The following ATAD2B variants were observed in gnomAD, a reference collection of about 807,000 sequenced individuals.
ATAD2B encodes ATPase family AAA domain containing 2B.
A neutral mutation model predicts 167.6 loss-of-function variants in ATAD2B; 40 were observed. The observed-to-expected ratio is 0.24, with a 90% CI of 0.19 to 0.31. ATAD2B has a LOEUF of 0.31. Ranked by LOEUF, ATAD2B falls within the 10% of genes least tolerant of loss-of-function variation. The probability of loss-of-function intolerance (pLI) is 1.00; values close to 1 mark genes in which losing one functional copy is unlikely to be tolerated. For synonymous variants in ATAD2B, 579 were observed against 596.5 expected, an observed-to-expected ratio of 0.97 and a Z score of 0.43; for missense variants, 1,242 against 1,757.2, an observed-to-expected ratio of 0.71 and a Z score of 5.24.
chr2:23,863,652 T>C lies in ATAD2B; in HGVS notation c.1305-97A>G. On this transcript the variant is annotated intron_variant, in intron 11 of 27. Transcript: ENST00000238789. ...TCCCCCCCTTCCATATAATTTTGTATTGAAGTATAATTATTAGACATTGAT... is the reference window on the plus strand; with the variant it reads ...TCCCCCCCTTCCATATAATTTTGTACTGAAGTATAATTATTAGACATTGAT... The C allele has an allele frequency of 3.5e-6, 4 of 1,154,184 alleles. No individual in the cohort carries two copies. The South Asian group carries it at 5.1e-5, about 15-fold the overall frequency. The allele number at this position is 1,154,184 out of a possible 1,614,324, so 71.5% of individuals were successfully genotyped here.
At chr2:23,779,700 T>C (rs1275302102) in intron 22 of ATAD2B, among the ~76,000 whole-genome samples, 1 of 151,656 alleles carries the variant, frequency 6.6e-6, no homozygotes, top group African/African-American at 2.4e-5. Flanking sequence ...GGGTATTAGC[T>C]GTTATATGAG....
chr2:23,813,309 A>T (rs2339922), intron 17 of ATAD2B, among the ~76,000 whole-genome samples: 1 of 148,416 alleles, frequency 6.7e-6, no homozygotes, highest in Non-Finnish European at 1.5e-5. Context: ...CATATAAATT[A>T]TGTTGTTATT....
chr2:23,873,620 A>G (rs1558702522), intron 8 of ATAD2B, among the ~76,000 whole-genome samples: 1 of 152,184 alleles, frequency 6.6e-6, no homozygotes, highest in Non-Finnish European at 1.5e-5. Context: ...ATCAAGCTGT[A>G]TTTTTTGTTG....
At chr2:23,696,526 C>T in the ATAD2B span, 64 of 1,509,114 alleles carry the variant, frequency 4.2e-5, no homozygotes, top group Non-Finnish European at 5.1e-5. The surrounding 1 kb of genome is among the most constrained non-coding windows in gnomAD (Gnocchi z 5.5). Flanking sequence ...AATGAGGCCA[C>T]GGTCAGGACA....
chr2:23,888,132 C>G (rs1304774881), intron 3 of ATAD2B, 147 bp from the exon 4 acceptor site: 1 of 751,786 alleles, frequency 1.3e-6, no homozygotes, highest in Admixed American at 3.8e-5. Flanking sequence ...TCTAAAATTT[C>G]TATAAATTTT....
At chr2:23,808,901 T>C (rs770636335) in intron 18 of ATAD2B, 1 of 152,194 alleles carries the variant, frequency 6.6e-6, no homozygotes, top group Non-Finnish European at 1.5e-5. Context: ...ATTTTGCCAA[T>C]TTCACAGCTT....
Position 23,823,516 on chromosome 2 carries a change from G to A in ATAD2B, c.1873C>T (p.Leu625=), listed in dbSNP as rs1344730647. Residue 625 remains leucine, a synonymous_variant, in exon 16 of 28, where the codon CTG becomes TTG. Coordinates refer to ENST00000238789, the MANE Select transcript of ATAD2B (RefSeq NM_017552.4). ...TAGATCTGGGGATAACGCCTCCGCA[G>A]TGCAATCAGGGCGGCTTCAGTGCAC... The part of the protein sequence containing the change: ...ALCTEAALIA[L]RRRYPQIYAS... 3.7e-6 allele frequency: 6 copies of A among 1,613,588 alleles called. No individual in the cohort carries two copies. The highest frequency in any genetic ancestry group is 5.1e-6 in the Non-Finnish European group (6 of 1,179,896).
chr2:23,693,466 G>T, the ATAD2B span: 1 of 1,551,746 alleles, frequency 6.4e-7, no homozygotes, highest in Non-Finnish European at 8.7e-7. Context: ...CACCAAGGCT[G>T]AGGAGCTGGT....
In ATAD2B at chr2:23,888,335, TA is replaced by T; in HGVS notation, c.418+14del. On this transcript the variant is annotated intron_variant, in intron 3 of 27. Transcript: ENST00000238789. The stretch of plus-strand genomic sequence containing the variant: ...AGAATTTTAAAACTAACCAGTTTTA[TA>T]ATAGAATACTCACATAAGCCACTAT... 6.4e-7 allele frequency: 1 copy of T among 1,556,026 alleles called. No homozygotes were observed. Among genetic ancestry groups the T allele is most frequent in the South Asian group, 1.2e-5 (1 of 84,152 alleles).
At chr2:23,879,444 CA>C (rs945348655) in intron 7 of ATAD2B, among the ~76,000 whole-genome samples, 44 of 151,690 alleles carry the variant, frequency 2.9e-4, no homozygotes, top group Non-Finnish European at 6.2e-4. Context: ...CCTGTTTCTA[CA>C]AAAAAAATTA....
rs1280833017 is a variant in ATAD2B, at chr2:23,926,889, G to A, written c.-119C>T. 1.7e-6 allele frequency: 2 copies of A among 1,211,910 alleles called. No individual in the cohort carries two copies. Among genetic ancestry groups the A allele is most frequent in the Non-Finnish European group, 2.2e-6 (2 of 899,368 alleles). 75.1% of individuals were successfully genotyped at this position (1,211,910 alleles called of 1,614,324 possible). ...CGGGCAATGAGAGACGAGCCGGCCC[G>A]GAGCGTGCGGAGCGCAGACGAGCAC... On this transcript the variant is annotated 5_prime_UTR_variant, in exon 1 of 28. Coordinates refer to ENST00000238789, the MANE Select transcript of ATAD2B (RefSeq NM_017552.4).
At chr2:23,891,075 C>T (rs1191857901) in intron 2 of ATAD2B, among the ~76,000 whole-genome samples, 2 of 147,276 alleles carry the variant, frequency 1.4e-5, no homozygotes, top group Non-Finnish European at 3.0e-5. Flanking sequence ...GGCTGGAGTG[C>T]AGTGGTGCGA....
chr2:23,832,425 G>T, intron 14 of ATAD2B: 1 of 238,988 alleles, frequency 4.2e-6, no homozygotes. Context: ...TCCATGCTGT[G>T]CAATATAGTA....
chr2:23,859,978 T>C (rs1694087489), intron 12 of ATAD2B, among the ~76,000 whole-genome samples: 1 of 151,966 alleles, frequency 6.6e-6, no homozygotes, highest in African/African-American at 2.4e-5. Context: ...TTAATTGTCA[T>C]TGTGACAGGT....
At chr2:23,680,917 C>G in the ATAD2B span, among the ~76,000 whole-genome samples, 1 of 152,332 alleles carries the variant, frequency 6.6e-6, no homozygotes, top group Admixed American at 6.5e-5. The surrounding 1 kb of genome is among the most constrained non-coding windows in gnomAD (Gnocchi z 4.1). Flanking sequence ...CCGAGGCCTG[C>G]AAATCTCCCA....
intron 7 of ATAD2B, among the ~76,000 whole-genome samples, chr2:23,877,485 A>AGGAAGGGAAGGGAAGGGAAGGGGAG (rs1697050411): frequency 8.8e-6 from 1 of 112,998 alleles, no homozygotes; most frequent in African/African-American, 3.4e-5. Flanking sequence ...CAGAGCAAGA[A>AGGAAGGGAAGGGAAGGGAAGGGGAG]GGAAGGGAAG....
chr2:23,898,818 C>T (rs957888544), intron 1 of ATAD2B, among the ~76,000 whole-genome samples: 2 of 152,010 alleles, frequency 1.3e-5, no homozygotes, highest in South Asian at 2.1e-4. Flanking sequence ...GCCTGGGCAA[C>T]GTAATGAGAC....
At chr2:23,824,810 G>A (rs1196111057) in intron 15 of ATAD2B, among the ~76,000 whole-genome samples, 2 of 152,160 alleles carry the variant, frequency 1.3e-5, no homozygotes, top group Non-Finnish European at 2.9e-5. Flanking sequence ...GCTCAAACTA[G>A]CCATATTGTT....
chr2:23,883,768 T>C (rs959415184), intron 6 of ATAD2B: 14 of 331,044 alleles, frequency 4.2e-5, no homozygotes, highest in Non-Finnish European at 6.9e-5. Flanking sequence ...ACACAAATAA[T>C]GGGAACTAGT....
Sources: allele counts gnomAD v4.1 joint callset (sites outside exome capture counted in the v4.1 genomes callset), GRCh38; gene constraint gnomAD v4.1.1; non-coding constraint Gnocchi (gnomAD v3.1); transcripts MANE v1.5; gene names NCBI Gene and HGNC (gene_info 2026-07-23, HGNC 2026-07-21).